Variants in UNC5A observed in about 807,000 individuals in gnomAD.
UNC5A encodes the protein netrin receptor UNC5A.
Under a neutral mutation model 87.4 loss-of-function variants are expected in UNC5A, and 20 were observed. The ratio of observed to expected loss-of-function variants is 0.23; its 90% CI spans 0.16 to 0.33. The LOEUF (loss-of-function observed/expected upper bound fraction) is 0.33, where lower values mean the gene tolerates loss of function less well. Among genes scored for constraint, UNC5A ranks in the 10% least tolerant of loss-of-function variants. The pLI, the probability that UNC5A is intolerant of heterozygous loss-of-function variation, is 1.00. For synonymous variants in UNC5A, 438 were observed against 482.3 expected, an observed-to-expected ratio of 0.91 and a Z score of 1.20; for missense variants, 844 against 1,133.4, an observed-to-expected ratio of 0.74 and a Z score of 3.67.
chr5:176,820,356 C>T (rs1756698213), intron 1 of UNC5A, among the ~76,000 whole-genome samples: 1 of 151,740 alleles, frequency 6.6e-6, no homozygotes, highest in South Asian at 2.1e-4. Flanking sequence ...AAGATTGCAC[C>T]ACTGTACTCC....
At chr5:176,834,571 G>A (rs1259701223) in intron 1 of UNC5A, among the ~76,000 whole-genome samples, 1 of 152,136 alleles carries the variant, frequency 6.6e-6, no homozygotes, top group African/African-American at 2.4e-5. Context: ...AGATGTGGAA[G>A]GAGCAGGGCT....
rs911354713 is a variant in UNC5A at position 176,810,875 on chromosome 5, C to T, written c.70+55C>T. On this transcript the variant is annotated intron_variant, in intron 1 of 14. Coordinates refer to ENST00000329542, the MANE Select transcript of UNC5A (RefSeq NM_133369.3). This position sits in a 1 kb window ranked among gnomAD's most constrained non-coding sequence, Gnocchi z 7.3. The stretch of plus-strand genomic sequence containing the variant: ...GCTTGCGGGGGACCGTGCGCGCGAA[C>T]GCTCGCTGCTCTGGGGGTCCCTGAC... The T allele has an allele frequency of 4.2e-6, 5 of 1,200,978 alleles. No individual in the cohort carries two copies. Among genetic ancestry groups the T allele is most frequent in the Non-Finnish European group, 5.2e-6 (5 of 967,206 alleles). The allele number at this position is 1,200,978 out of a possible 1,614,324, so 74.4% of individuals were successfully genotyped here.
chr5:176,833,805 T>C (rs1757082052), intron 1 of UNC5A, among the ~76,000 whole-genome samples: 1 of 151,370 alleles, frequency 6.6e-6, no homozygotes, highest in African/African-American at 2.4e-5. Flanking sequence ...ACCTCCTGGG[T>C]TCGCGCCATT....
intron 8 of UNC5A, among the ~76,000 whole-genome samples, chr5:176,876,489 C>A (rs557486467): frequency 6.6e-6 from 1 of 152,184 alleles, no homozygotes; most frequent in African/African-American, 2.4e-5. Context: ...AGAGGGACTC[C>A]CTGGCCCCCG....
In UNC5A at chr5:176,841,873, T is replaced by C. The variant is rs375434042; in HGVS notation, c.71-20751T>C. ...AATGCAAGTCAAAACCACAATGCGA[T>C]ACCACCTTACTCCTGCAAGAATGGC... On this transcript the variant is annotated intron_variant, in intron 1 of 14. Transcript: ENST00000329542. This position sits in a 1 kb window ranked among gnomAD's most constrained non-coding sequence, Gnocchi z 4.1. Among the ~76,000 whole-genome samples, 2 of 152,224 alleles carry C rather than the reference T, an allele frequency of 1.3e-5. No homozygotes were observed. The highest frequency in any genetic ancestry group is 3.8e-4 in the East Asian group (2 of 5,196).
Position 176,879,380 on chromosome 5 carries a change from C to T in UNC5A, c.2255C>T (p.Ala752Val). ...AGVPALVGPSAFKIPFLIRQK... is the reference protein window; with the variant it reads ...AGVPALVGPSVFKIPFLIRQK... ...GTCCCAGCCCTGGTGGGCCCCAGTG[C>T]CTTCAAGATCCCCTTCCTCATTCGG... Residue 752 changes from alanine to valine, a missense_variant, in exon 14 of 15, where the codon GCC becomes GTC. Physicochemically the swap from Ala to Val is moderately conservative, Grantham distance 64. This residue lies in a region of UNC5A where 177 missense variants were observed against 279.4 expected (regional missense o/e 0.63). Coordinates refer to ENST00000329542, the MANE Select transcript of UNC5A (RefSeq NM_133369.3). The T allele has an allele frequency of 6.2e-7, 1 of 1,613,030 alleles. No individual in the cohort carries two copies. Among genetic ancestry groups the T allele is most frequent in the South Asian group, 1.1e-5 (1 of 91,066 alleles).
Position 176,870,489 on chromosome 5 carries a change from A to G in UNC5A, c.841A>G (p.Thr281Ala). The change falls in exon 6 of 15, where the codon ACT (threonine) becomes GCT (alanine). Residue 281 changes from threonine (T) to alanine (A), a missense_variant. Physicochemically the swap from Thr to Ala is moderately conservative, Grantham distance 58. Coordinates refer to ENST00000329542, the MANE Select transcript of UNC5A (RefSeq NM_133369.3). ...PRNGGEECQG[T>A]DLDTRNCTSD... ...CAACGGAGGGGAGGAGTGCCAGGGC[A>G]CTGACCTGGACACCCGCAACTGTAC... 2 of 1,609,256 alleles carry G rather than the reference A, an allele frequency of 1.2e-6. No individual in the cohort carries two copies. The highest frequency in any genetic ancestry group is 1.7e-6 in the Non-Finnish European group (2 of 1,177,078).
chr5:176,829,000 G>A (rs370555015), intron 1 of UNC5A, among the ~76,000 whole-genome samples: 3 of 152,114 alleles, frequency 2.0e-5, no homozygotes, highest in Non-Finnish European at 2.9e-5. Context: ...GTGGTGGTGC[G>A]CCTGTAATTC....
At chr5:176,839,165 C>A (rs1245602280) in intron 1 of UNC5A, among the ~76,000 whole-genome samples, 1 of 152,224 alleles carries the variant, frequency 6.6e-6, no homozygotes, top group African/African-American at 2.4e-5. Flanking sequence ...GCCTCCCTTA[C>A]CCCACTCCTG....
At chr5:176,851,746 T>C (rs2113636525) in intron 1 of UNC5A, among the ~76,000 whole-genome samples, 1 of 152,232 alleles carries the variant, frequency 6.6e-6, no homozygotes, top group African/African-American at 2.4e-5. Context: ...AGAGTGGCAC[T>C]CCTAGTTGGG....
At chr5:176,867,521 C>G (rs987787189) in intron 2 of UNC5A, among the ~76,000 whole-genome samples, 7 of 152,242 alleles carry the variant, frequency 4.6e-5, no homozygotes, top group Admixed American at 1.3e-4. Context: ...CAAGTCACTT[C>G]CCTCTGCATT....
rs1284686142 is a variant in UNC5A at position 176,865,264 on chromosome 5, G to A, written c.292+2419G>A. ...GGAAGCTCCAGTCCAGCCCCCTGCT[G>A]CTCCCAGCACCCCCTTCCGGGCTCC... On this transcript the variant is annotated intron_variant, in intron 2 of 14. Transcript: ENST00000329542. This position sits in a 1 kb window ranked among gnomAD's most constrained non-coding sequence, Gnocchi z 5.3. Among the ~76,000 whole-genome samples the A allele has an allele frequency of 6.6e-6, 1 of 152,328 alleles. No individual in the cohort carries two copies. The highest frequency in any genetic ancestry group is 2.1e-4 in the South Asian group (1 of 4,832).
intron 10 of UNC5A, 74 bp downstream of exon 10, chr5:176,877,777 T>G: frequency 1.3e-6 from 2 of 1,515,242 alleles, no homozygotes; most frequent in Non-Finnish European, 1.8e-6. Flanking sequence ...CTTCCACCGC[T>G]GGGTGGTCCT....
At chr5:176,847,424 C>A (rs1269076507) in intron 1 of UNC5A, among the ~76,000 whole-genome samples, 1 of 152,152 alleles carries the variant, frequency 6.6e-6, no homozygotes, top group Non-Finnish European at 1.5e-5. Context: ...GGCGGGGGGG[C>A]CCTCAGCATC....
chr5:176,851,953 G>T (rs1332099993), intron 1 of UNC5A, among the ~76,000 whole-genome samples: 2 of 152,178 alleles, frequency 1.3e-5, no homozygotes, highest in Admixed American at 1.3e-4. Context: ...TGCCATGGTC[G>T]CTGTGTGTCC....
At chr5:176,833,642 A>C (rs1400576917) in intron 1 of UNC5A, among the ~76,000 whole-genome samples, 1 of 151,902 alleles carries the variant, frequency 6.6e-6, no homozygotes, top group African/African-American at 2.4e-5. Flanking sequence ...AGCATAGCCC[A>C]TGAGTCTCTG....
At position 176,811,407 on chromosome 5, in the gene UNC5A, ACAGT is replaced by A. The variant is rs147532101; in HGVS notation, c.70+590_70+593del. 9.5e-3 allele frequency among the ~76,000 whole-genome samples: 1,445 copies of A among 152,272 alleles called. 24 individuals are homozygous for A. Among genetic ancestry groups the A allele is most frequent in the African/African-American group, 0.033 (1,370 of 41,552 alleles). On this transcript the variant is annotated intron_variant, in intron 1 of 14. Transcript: ENST00000329542. Reference sequence around the variant, plus strand: ...CCAGCCCCCAGTCCTTGCAGCCAGCACAGTCAAAGCGCCGCGGTCCCGGTGGCCG... The same window carrying A: ...CCAGCCCCCAGTCCTTGCAGCCAGCACAAAGCGCCGCGGTCCCGGTGGCCG...
intron 1 of UNC5A, among the ~76,000 whole-genome samples, chr5:176,819,171 C>A (rs1373529414): frequency 1.3e-5 from 2 of 152,184 alleles, no homozygotes. Flanking sequence ...CTCAGCTGCT[C>A]CTCATGAGCA....
rs754080042 is a variant in UNC5A, at chr5:176,868,190, G to C, written c.353G>C (p.Gly118Ala). 1 of 1,613,672 alleles carries C rather than the reference G, an allele frequency of 6.2e-7. No homozygotes were observed. Among genetic ancestry groups the C allele is most frequent in the East Asian group, 2.2e-5 (1 of 44,852 alleles). Residue 118 changes from glycine (G) to alanine (A), a missense_variant, in exon 3 of 15, where the codon GGG (glycine) becomes GCG (alanine). Transcript: ENST00000329542. ...VSRQQVEKVF[G>A]LEEYWCQCVA... ...AGGCAGCAGGTCGAGAAGGTGTTCG[G>C]GCTGGAGGAATACTGGTGCCAGTGC...
Sources: gnomAD v4.1 joint callset for allele counts (sites outside exome capture counted in the v4.1 genomes callset) on GRCh38, gnomAD v4.1.1 for gene constraint, gnomAD v4.1.1 regional missense constraint, Gnocchi (gnomAD v3.1) non-coding constraint, MANE v1.5 for transcripts, NCBI Gene and HGNC (gene_info 2026-07-23, HGNC 2026-07-21) for gene names.